AKAP19: variants seen among roughly 807,000 people sequenced by gnomAD.
The protein encoded by AKAP19 is A-kinase anchoring protein 19.
chr2:190,148,065 G>A, the AKAP19 span, among the ~76,000 whole-genome samples: 1 of 152,068 alleles, frequency 6.6e-6, no homozygotes, highest in African/African-American at 2.4e-5. Flanking sequence ...TGGTGAGGGT[G>A]GGCATCCTTG....
At chr2:190,190,370 T>C in the AKAP19 span, among the ~76,000 whole-genome samples, 4 of 152,244 alleles carry the variant, frequency 2.6e-5, no homozygotes, top group African/African-American at 9.6e-5. Flanking sequence ...TGGTTTGACA[T>C]ACCAATAGTT....
At chr2:190,082,792 G>A in the AKAP19 span, among the ~76,000 whole-genome samples, 1 of 152,140 alleles carries the variant, frequency 6.6e-6, no homozygotes, top group Admixed American at 6.5e-5. Flanking sequence ...TTTGGAGCCA[G>A]GTATATCCAA....
the AKAP19 span, among the ~76,000 whole-genome samples, chr2:190,060,611 C>A: frequency 6.6e-6 from 1 of 151,824 alleles, no homozygotes; most frequent in Non-Finnish European, 1.5e-5. Context: ...AAATAATTAC[C>A]CTAGCTTTTC....
At chr2:190,111,894 G>T in the AKAP19 span, among the ~76,000 whole-genome samples, 250 of 146,020 alleles carry the variant, frequency 1.7e-3, 2 homozygotes, top group African/African-American at 6.7e-3. Flanking sequence ...TTTTTGTTTT[G>T]TTTTTTTGTT....
chr2:190,131,674 A>G, the AKAP19 span, among the ~76,000 whole-genome samples: 1 of 152,244 alleles, frequency 6.6e-6, no homozygotes, highest in Non-Finnish European at 1.5e-5. Flanking sequence ...TGGGGTTTGC[A>G]GTCGGCATCT....
chr2:189,885,372 GA>G, the AKAP19 span, among the ~76,000 whole-genome samples: 1 of 152,204 alleles, frequency 6.6e-6, no homozygotes, highest in Non-Finnish European at 1.5e-5. Context: ...GCCAGATAAA[GA>G]GACTATGTGT....
At chr2:190,129,281 G>C in the AKAP19 span, among the ~76,000 whole-genome samples, 1 of 151,938 alleles carries the variant, frequency 6.6e-6, no homozygotes, top group Non-Finnish European at 1.5e-5. Flanking sequence ...AAGTTATGCT[G>C]GAAGATTTCA....
the AKAP19 span, among the ~76,000 whole-genome samples, chr2:190,008,589 T>C: frequency 6.6e-6 from 1 of 152,166 alleles, no homozygotes; most frequent in African/African-American, 2.4e-5. Context: ...GAGTTAAAGA[T>C]GAAAATAAAA....
chr2:190,022,863 T>C, the AKAP19 span, among the ~76,000 whole-genome samples: 1 of 152,144 alleles, frequency 6.6e-6, no homozygotes, highest in African/African-American at 2.4e-5. Flanking sequence ...AGCTTTTTGT[T>C]TCATTATGCT....
the AKAP19 span, among the ~76,000 whole-genome samples, chr2:190,108,139 T>C: frequency 5.8e-3 from 882 of 152,128 alleles, 4 homozygotes; most frequent in African/African-American, 0.02. Flanking sequence ...AAATTTATTA[T>C]TGTAAAAAAA....
chr2:190,157,657 G>A, the AKAP19 span, among the ~76,000 whole-genome samples: 1,261 of 152,150 alleles, frequency 8.3e-3, 19 homozygotes, highest in African/African-American at 0.029. Context: ...AGATAATTGA[G>A]GGAAGGGGAG....
the AKAP19 span, among the ~76,000 whole-genome samples, chr2:189,979,425 A>C: frequency 6.6e-6 from 1 of 152,220 alleles, no homozygotes; most frequent in African/African-American, 2.4e-5. Flanking sequence ...TACAATAATT[A>C]ACTCAAGATG....
chr2:190,091,034 A>G, the AKAP19 span: 1 of 152,222 alleles, frequency 6.6e-6, no homozygotes, highest in African/African-American at 2.4e-5. Flanking sequence ...AGCCTTATAA[A>G]AAGACTTTGA....
At chr2:189,909,677 C>G in the AKAP19 span, among the ~76,000 whole-genome samples, 6 of 151,976 alleles carry the variant, frequency 3.9e-5, no homozygotes, top group African/African-American at 9.7e-5. Context: ...ATAGTTTACA[C>G]TTTTTATATC....
the AKAP19 span, among the ~76,000 whole-genome samples, chr2:190,085,410 C>T: frequency 1.1e-4 from 17 of 152,152 alleles, no homozygotes; most frequent in Non-Finnish European, 2.4e-4. Context: ...GTGAGAAATA[C>T]GAGATCAGTA....
At chr2:189,914,379 A>G in the AKAP19 span, among the ~76,000 whole-genome samples, 4 of 152,206 alleles carry the variant, frequency 2.6e-5, 1 homozygote, top group South Asian at 8.3e-4. Context: ...TGAATTGACG[A>G]ATGTTCTTGG....
At chr2:190,180,524 T>C in the AKAP19 span, 1 of 985,580 alleles carries the variant, frequency 1.0e-6, no homozygotes, top group African/African-American at 1.7e-5. The surrounding 1 kb of genome is among the most constrained non-coding windows in gnomAD (Gnocchi z 6.8). Flanking sequence ...CTGCTTTCAT[T>C]GACCTTTGCG....
At chr2:190,107,779 G>A in the AKAP19 span, among the ~76,000 whole-genome samples, 1 of 152,212 alleles carries the variant, frequency 6.6e-6, no homozygotes, top group Non-Finnish European at 1.5e-5. Flanking sequence ...GTGAAGTTAT[G>A]CAAAAGAACA....
the AKAP19 span, among the ~76,000 whole-genome samples, chr2:190,161,151 G>C: frequency 6.6e-6 from 1 of 152,130 alleles, no homozygotes; most frequent in African/African-American, 2.4e-5. Flanking sequence ...ATAGTGGAAA[G>C]AGGCTTCCAT....
Sources: allele counts gnomAD v4.1 joint callset (sites outside exome capture counted in the v4.1 genomes callset), GRCh38; gene constraint gnomAD v4.1.1; non-coding constraint Gnocchi (gnomAD v3.1); transcripts MANE v1.5; gene names NCBI Gene and HGNC (gene_info 2026-07-23, HGNC 2026-07-21).